NRXN3: variants seen among roughly 807,000 people sequenced by gnomAD.
NRXN3 encodes the protein neurexin III.
In NRXN3, 32 loss-of-function variants were observed where a neutral mutation model predicts 137.6. That is an observed-to-expected ratio of 0.23 (90% CI 0.18 to 0.31). NRXN3 has a LOEUF of 0.31. Ranked by LOEUF, NRXN3 falls within the 10% of genes least tolerant of loss-of-function variation. The pLI is 1.00. For synonymous variants in NRXN3, 798 were observed against 784.5 expected, an observed-to-expected ratio of 1.02 and a Z score of -0.29; for missense variants, 1,574 against 2,062.5, an observed-to-expected ratio of 0.76 and a Z score of 4.59.
chr14:78,247,210 A>G (rs549086620), intron 2 of NRXN3, among the ~76,000 whole-genome samples: 2 of 152,154 alleles, frequency 1.3e-5, no homozygotes, highest in Non-Finnish European at 2.9e-5. Flanking sequence ...ATCATGCTGC[A>G]CCCCAGGAAG....
chr14:78,181,673 A>G (rs1385430283), intron 1 of NRXN3, among the ~76,000 whole-genome samples: 1 of 152,094 alleles, frequency 6.6e-6, no homozygotes, highest in Non-Finnish European at 1.5e-5. Context: ...TCTCCGCACA[A>G]CTTGAGTGTT....
At chr14:78,590,426 C>T (rs1372697214) in intron 4 of NRXN3, among the ~76,000 whole-genome samples, 1 of 152,100 alleles carries the variant, frequency 6.6e-6, no homozygotes, top group Non-Finnish European at 1.5e-5. Flanking sequence ...CCAGGGAATA[C>T]TTTCAAAAAG....
At chr14:78,323,795 C>G (rs1489574865) in intron 4 of NRXN3, among the ~76,000 whole-genome samples, 1 of 151,958 alleles carries the variant, frequency 6.6e-6, no homozygotes. Flanking sequence ...AAGTGGGAGC[C>G]CAGTCCCAGG....
At chr14:78,456,810 T>TTTA (rs1555539938) in intron 4 of NRXN3, among the ~76,000 whole-genome samples, 1 of 114,474 alleles carries the variant, frequency 8.7e-6, no homozygotes, top group Non-Finnish European at 2.0e-5. Flanking sequence ...TCTTTCTTTC[T>TTTA]TTCTTTCTTT....
At chr14:79,831,841 C>A (rs1451466748) in intron 20 of NRXN3, among the ~76,000 whole-genome samples, 1 of 152,088 alleles carries the variant, frequency 6.6e-6, no homozygotes, top group Non-Finnish European at 1.5e-5. Flanking sequence ...GCAGATCTAC[C>A]TTTTAGTTTG....
At chr14:78,236,866 A>G (rs1463623637) in intron 1 of NRXN3, among the ~76,000 whole-genome samples, 2 of 151,968 alleles carry the variant, frequency 1.3e-5, no homozygotes, top group African/African-American at 4.8e-5. Context: ...AGCCTGAACT[A>G]CTTTTATATC....
At chr14:79,008,162 C>G (rs1052695377) in intron 15 of NRXN3, among the ~76,000 whole-genome samples, 1 of 152,174 alleles carries the variant, frequency 6.6e-6, no homozygotes, top group African/African-American at 2.4e-5. Flanking sequence ...AATTAGAAAA[C>G]CATTTCTACA....
chr14:78,426,756 A>C (rs1273014188), intron 4 of NRXN3, among the ~76,000 whole-genome samples: 1 of 152,084 alleles, frequency 6.6e-6, no homozygotes, highest in Non-Finnish European at 1.5e-5. Context: ...GCTTCAGGGG[A>C]AGGTCAGAAA....
chr14:79,067,503 T>A (rs1417416926), intron 15 of NRXN3, among the ~76,000 whole-genome samples: 1 of 152,144 alleles, frequency 6.6e-6, no homozygotes, highest in African/African-American at 2.4e-5. Flanking sequence ...GAGGAGTCCC[T>A]CCTCTTCAAT....
chr14:79,560,129 T>C (rs2097476557), intron 16 of NRXN3, among the ~76,000 whole-genome samples: 1 of 152,196 alleles, frequency 6.6e-6, no homozygotes, highest in African/African-American at 2.4e-5. Flanking sequence ...AACTAACTGC[T>C]TGACATTCTT....
intron 4 of NRXN3, among the ~76,000 whole-genome samples, chr14:78,316,864 T>C (rs573948980): frequency 2.4e-4 from 37 of 152,334 alleles, no homozygotes; most frequent in South Asian, 1.7e-3. Flanking sequence ...GATTTTAAGA[T>C]GGCTGATGGC....
chr14:79,458,927 T>C (rs1397647248), intron 15 of NRXN3, among the ~76,000 whole-genome samples: 2 of 152,176 alleles, frequency 1.3e-5, no homozygotes, highest in African/African-American at 4.8e-5. Flanking sequence ...TGAGTACCTC[T>C]ATACTGCCAG....
chr14:79,762,225 G>A (rs1423423570), intron 19 of NRXN3, among the ~76,000 whole-genome samples: 1 of 151,592 alleles, frequency 6.6e-6, no homozygotes, highest in Non-Finnish European at 1.5e-5. Flanking sequence ...ACGAAATCAA[G>A]CAGGTTATGG....
At chr14:79,624,531 G>A (rs72696776) in intron 16 of NRXN3, among the ~76,000 whole-genome samples, 87 of 151,854 alleles carry the variant, frequency 5.7e-4, no homozygotes, top group Non-Finnish European at 8.2e-4. Context: ...TTGTCATAAC[G>A]GCACATAAAA....
rs1484990101 is a variant in NRXN3 at position 79,835,035 on chromosome 14, G to A, written c.4094-26307G>A. Among the ~76,000 whole-genome samples, 3 of 152,176 alleles carry A rather than the reference G, an allele frequency of 2.0e-5. No individual in the cohort carries two copies. In the East Asian group the frequency reaches 5.8e-4, roughly 29 times the overall value. ...TTTTGCAGTCTCCAAAAAGAAGTCA[G>A]GTCATGTGATATTTGTCTGTGCATG... On this transcript the variant is annotated intron_variant, in intron 20 of 20. Coordinates refer to ENST00000335750, the MANE Select transcript of NRXN3 (RefSeq NM_001330195.2).
At chr14:78,446,216 C>G (rs942279789) in intron 4 of NRXN3, among the ~76,000 whole-genome samples, 2 of 152,146 alleles carry the variant, frequency 1.3e-5, no homozygotes, top group African/African-American at 4.8e-5. Context: ...GATTTTTGGG[C>G]TACTCCCACA....
At chr14:79,713,164 C>CTT (rs574716352) in intron 19 of NRXN3, among the ~76,000 whole-genome samples, 15 of 80,888 alleles carry the variant, frequency 1.9e-4, no homozygotes, top group East Asian at 1.8e-3. Flanking sequence ...CTGATTTTTA[C>CTT]TTTTTTTTTT....
intron 19 of NRXN3, among the ~76,000 whole-genome samples, chr14:79,778,771 T>A (rs977089047): frequency 6.6e-6 from 1 of 152,200 alleles, no homozygotes; most frequent in African/African-American, 2.4e-5. Flanking sequence ...TTACTAGTGA[T>A]ATTACTTTAG....
chr14:79,257,221 C>A (rs1350038460), intron 15 of NRXN3, among the ~76,000 whole-genome samples: 1 of 151,898 alleles, frequency 6.6e-6, no homozygotes, highest in African/African-American at 2.4e-5. Flanking sequence ...CTGCTAAATT[C>A]TCTGCCAACC....
Sources: allele counts gnomAD v4.1 joint callset (sites outside exome capture counted in the v4.1 genomes callset), GRCh38; gene constraint gnomAD v4.1.1; transcripts MANE v1.5; gene names NCBI Gene and HGNC (gene_info 2026-07-23, HGNC 2026-07-21).